The following SBNO1 variants were observed in gnomAD, a reference collection of about 807,000 sequenced individuals.
The protein encoded by SBNO1 is strawberry notch homolog 1, also known as protein strawberry notch homolog 1.
Under a neutral mutation model 173.6 loss-of-function variants are expected in SBNO1, and 23 were observed. The observed-to-expected ratio is 0.13, with a 90% CI of 0.10 to 0.19. The LOEUF is 0.19. SBNO1 is among the 10% of genes least tolerant of loss of function. The pLI is 1.00. For synonymous variants in SBNO1, 632 were observed against 571.5 expected, an observed-to-expected ratio of 1.11 and a Z score of -1.51; for missense variants, 1,238 against 1,671.2, an observed-to-expected ratio of 0.74 and a Z score of 4.52.
intron 1 of SBNO1, among the ~76,000 whole-genome samples, chr12:123,355,079 G>A (rs1874290375): frequency 6.6e-6 from 1 of 151,832 alleles, no homozygotes; most frequent in Non-Finnish European, 1.5e-5. Context: ...GGAGTGCAGT[G>A]GCGCGATCTC....
intron 28 of SBNO1, 120 bp from the exon 29 acceptor site, chr12:123,304,839 T>C (rs1397852394): frequency 1.4e-6 from 1 of 702,102 alleles, no homozygotes; most frequent in African/African-American, 1.8e-5. Context: ...AAGTACACGG[T>C]AACTTCAAAA....
chr12:123,314,033 G>A (rs1868958857), intron 23 of SBNO1, among the ~76,000 whole-genome samples: 2 of 152,090 alleles, frequency 1.3e-5, no homozygotes, highest in Non-Finnish European at 2.9e-5. Flanking sequence ...GTAGTGAGCC[G>A]AGATGGCGTC....
intron 30 of SBNO1, among the ~76,000 whole-genome samples, chr12:123,299,228 A>C (rs1412624187): frequency 4.6e-5 from 7 of 151,826 alleles, no homozygotes; most frequent in Non-Finnish European, 1.0e-4. Flanking sequence ...ATTAGCCAGG[A>C]GTGGTGGCAG....
intron 12 of SBNO1, 42 bp downstream of exon 12, chr12:123,327,665 T>C (rs774718227): frequency 2.5e-6 from 4 of 1,577,706 alleles, no homozygotes; most frequent in Non-Finnish European, 2.6e-6. Context: ...ACACACTTCT[T>C]AGATTGCTAC....
intron 2 of SBNO1, among the ~76,000 whole-genome samples, chr12:123,349,603 C>G (rs1873643948): frequency 6.6e-6 from 1 of 152,110 alleles, no homozygotes; most frequent in South Asian, 2.1e-4. Context: ...CCTCATAAAT[C>G]AAAATGAATA....
chr12:123,297,348 A>T (rs2048635317), intron 31 of SBNO1, among the ~76,000 whole-genome samples: 1 of 133,796 alleles, frequency 7.5e-6, no homozygotes, highest in Non-Finnish European at 1.6e-5. Flanking sequence ...AAAAAAAAAA[A>T]AAAATTCATT....
chr12:123,346,232 A>AC (rs1208326118), intron 3 of SBNO1, among the ~76,000 whole-genome samples: 1 of 151,908 alleles, frequency 6.6e-6, no homozygotes, highest in Non-Finnish European at 1.5e-5. Context: ...AAATAGCAAG[A>AC]CCCCTCCCAC....
intron 7 of SBNO1, among the ~76,000 whole-genome samples, chr12:123,333,567 G>C (rs560759046): frequency 2.0e-5 from 3 of 151,966 alleles, no homozygotes; most frequent in African/African-American, 4.8e-5. Flanking sequence ...CAAGATCACA[G>C]CTTATTGCAG....
chr12:123,349,325 C>T (rs956262474), intron 2 of SBNO1, among the ~76,000 whole-genome samples: 2 of 152,058 alleles, frequency 1.3e-5, no homozygotes, highest in African/African-American at 2.4e-5. Context: ...TGGTCTCAAA[C>T]TCCTGGGCTC....
rs201443230 is a variant in SBNO1 at position 123,309,587 on chromosome 12, G to T, written c.3443-4C>A. 2 of 1,611,956 alleles carry T rather than the reference G, an allele frequency of 1.2e-6. No individual in the cohort carries two copies. The highest frequency in any genetic ancestry group is 1.7e-6 in the Non-Finnish European group (2 of 1,178,516). On this transcript the variant is annotated splice_polypyrimidine_tract_variant and splice_region_variant and intron_variant, in intron 26 of 31. Coordinates refer to ENST00000602398, the MANE Select transcript of SBNO1 (RefSeq NM_001167856.3). Reference sequence around the variant, plus strand: ...TTTTCATCTCCAGAACCAAGATCTTGAACAAGAAAAAGAAACATGTAAATG... The same window carrying T: ...TTTTCATCTCCAGAACCAAGATCTTTAACAAGAAAAAGAAACATGTAAATG...
intron 1 of SBNO1, among the ~76,000 whole-genome samples, chr12:123,360,379 C>G (rs1030243068): frequency 9.2e-5 from 14 of 152,166 alleles, no homozygotes; most frequent in African/African-American, 3.4e-4. Flanking sequence ...GGTGGCAAGT[C>G]ACAAATCGAA....
At position 123,324,317 on chromosome 12, in the gene SBNO1, C is replaced by T. The variant is rs935701010; in HGVS notation, c.1974-486G>A. 2.7e-3 allele frequency among the ~76,000 whole-genome samples: 274 copies of T among 102,320 alleles called. 3 individuals carry two copies. Among genetic ancestry groups the T allele is most frequent in the Non-Finnish European group, 4.6e-4 (25 of 54,236 alleles). 67.1% of individuals were successfully genotyped at this position (102,320 alleles called of 152,430 possible). Reference sequence around the variant, plus strand: ...TATAGATTAGCAGGTGTATGTCTTGCTTTTTTCTTTTTTTTTTTTTTTTTG... The same window carrying T: ...TATAGATTAGCAGGTGTATGTCTTGTTTTTTTCTTTTTTTTTTTTTTTTTG... On this transcript the variant is annotated intron_variant, in intron 15 of 31. Transcript: ENST00000602398.
chr12:123,304,843 T>A, intron 28 of SBNO1, 124 bp from the exon 29 acceptor site: 1 of 669,678 alleles, frequency 1.5e-6, no homozygotes, highest in Non-Finnish European at 2.5e-6. Context: ...ACACGGTAAC[T>A]TCAAAAAGGA....
At chr12:123,310,155 T>C (rs1429694915) in intron 25 of SBNO1, among the ~76,000 whole-genome samples, 1 of 152,228 alleles carries the variant, frequency 6.6e-6, no homozygotes, top group Non-Finnish European at 1.5e-5. Flanking sequence ...TTCTCAACTG[T>C]AGTGGCACTA....
At chr12:123,330,854 G>C (rs1303586421) in intron 8 of SBNO1, among the ~76,000 whole-genome samples, 1 of 152,150 alleles carries the variant, frequency 6.6e-6, no homozygotes, top group African/African-American at 2.4e-5. Context: ...GAGCCCCTGA[G>C]GTAGAGGCTG....
At chr12:123,362,366 G>A (rs1211656150) in intron 1 of SBNO1, among the ~76,000 whole-genome samples, 1 of 148,744 alleles carries the variant, frequency 6.7e-6, no homozygotes, top group East Asian at 2.0e-4. Context: ...AACCCGGGAG[G>A]CGGAGCTTGC....
At position 123,297,963 on chromosome 12, in the gene SBNO1, A is replaced by T. The variant is rs965540866; in HGVS notation, c.4039+15T>A. ...TTTTTCCTGCAACTCAAACCAAAACAAAAATTAGACTCACCTACAATCCGT... is the reference window on the plus strand; with the variant it reads ...TTTTTCCTGCAACTCAAACCAAAACTAAAATTAGACTCACCTACAATCCGT... On this transcript the variant is annotated intron_variant, in intron 31 of 31. Transcript: ENST00000602398. The T allele has an allele frequency of 1.2e-6, 2 of 1,608,958 alleles. No homozygotes were observed. The highest frequency in any genetic ancestry group is 3.4e-5 in the Admixed American group (2 of 58,120).
intron 3 of SBNO1, among the ~76,000 whole-genome samples, chr12:123,346,537 G>A (rs1464081187): frequency 1.3e-5 from 2 of 152,160 alleles, no homozygotes; most frequent in Non-Finnish European, 2.9e-5. Flanking sequence ...GGTGGCGGAT[G>A]CCTATAGTCC....
intron 28 of SBNO1, among the ~76,000 whole-genome samples, chr12:123,308,946 A>G (rs1206507502): frequency 6.6e-6 from 1 of 152,194 alleles, no homozygotes; most frequent in Non-Finnish European, 1.5e-5. Context: ...TCTACTAAAA[A>G]TACATGTCAG....
Sources: allele counts gnomAD v4.1 joint callset (sites outside exome capture counted in the v4.1 genomes callset), GRCh38; gene constraint gnomAD v4.1.1; transcripts MANE v1.5; gene names NCBI Gene and HGNC (gene_info 2026-07-23, HGNC 2026-07-21).